Variants in UBE2E2 observed in about 807,000 individuals in gnomAD.
UBE2E2 encodes the protein ubiquitin conjugating enzyme E2 E2.
In UBE2E2, 6 loss-of-function variants were observed where a neutral mutation model predicts 24.7. The observed-to-expected ratio is 0.24, with a 90% CI of 0.13 to 0.48. UBE2E2 has a LOEUF of 0.48. Ranked by LOEUF, UBE2E2 falls within the 20% of genes least tolerant of loss-of-function variation. UBE2E2 has a pLI of 0.99. For missense variants in UBE2E2, 169 were observed against 245.0 expected, an observed-to-expected ratio of 0.69 and a Z score of 2.07; for synonymous variants, 104 against 83.6, an observed-to-expected ratio of 1.24 and a Z score of -1.33.
At chr3:23,348,939 C>T (rs1010332020) in intron 3 of UBE2E2, among the ~76,000 whole-genome samples, 1 of 152,144 alleles carries the variant, frequency 6.6e-6, no homozygotes, top group Non-Finnish European at 1.5e-5. Flanking sequence ...GTTCTGCACA[C>T]TCCAGGGTAA....
At chr3:23,353,664 G>C (rs1216386819) in intron 3 of UBE2E2, among the ~76,000 whole-genome samples, 2 of 151,970 alleles carry the variant, frequency 1.3e-5, no homozygotes, top group East Asian at 1.9e-4. Context: ...AAATACCTAG[G>C]AATCCAACTT....
intron 5 of UBE2E2, among the ~76,000 whole-genome samples, chr3:23,535,555 C>G (rs1695238848): frequency 6.7e-6 from 1 of 149,888 alleles, no homozygotes; most frequent in Non-Finnish European, 1.5e-5. Context: ...CTAGGTAGAT[C>G]TAACTGCTGG....
At position 23,379,494 on chromosome 3, in the gene UBE2E2, G is replaced by A. The variant is rs1176884013; in HGVS notation, c.228-120114G>A. ...CCACCTATGAGTGAGAATATGCGGT[G>A]TTTGGTTTTTTGTTCTTGCGATAGT... On this transcript the variant is annotated intron_variant, in intron 3 of 5. Coordinates refer to ENST00000396703, the MANE Select transcript of UBE2E2 (RefSeq NM_152653.4). Among the ~76,000 whole-genome samples the A allele has an allele frequency of 2.0e-5, 3 of 148,316 alleles. No homozygotes were observed. In the South Asian group the frequency reaches 6.4e-4, roughly 32 times the overall value.
rs542071188 is a variant in UBE2E2, at chr3:23,357,395, A to G, written c.227+140083A>G. 3.2e-4 allele frequency among the ~76,000 whole-genome samples: 48 copies of G among 151,058 alleles called. 1 individual carries two copies. The South Asian group carries it at 5.9e-3, about 18-fold the overall frequency. On this transcript the variant is annotated intron_variant, in intron 3 of 5. Coordinates refer to ENST00000396703, the MANE Select transcript of UBE2E2 (RefSeq NM_152653.4). ...CTTGAGGATGCCAGTGCCTGGAGAT[A>G]TGTGTGTGTGTGTGTGAGTGTGTAT...
At chr3:23,423,000 A>G (rs940549053) in intron 3 of UBE2E2, among the ~76,000 whole-genome samples, 1 of 152,202 alleles carries the variant, frequency 6.6e-6, no homozygotes, top group Non-Finnish European at 1.5e-5. Context: ...ATGTAAAGTC[A>G]GTTTCTTAAA....
chr3:23,354,078 C>T (rs199758028), intron 3 of UBE2E2, among the ~76,000 whole-genome samples: 2,041 of 152,128 alleles, frequency 0.013, 25 homozygotes, highest in Non-Finnish European at 0.02. Flanking sequence ...TCAGAAATAA[C>T]GCCACATATC....
intron 3 of UBE2E2, among the ~76,000 whole-genome samples, chr3:23,434,477 C>A (rs1698139219): frequency 6.6e-6 from 1 of 152,134 alleles, no homozygotes; most frequent in African/African-American, 2.4e-5. Context: ...GAAACAGATA[C>A]TCCCAAAATG....
intron 3 of UBE2E2, among the ~76,000 whole-genome samples, chr3:23,433,864 T>C (rs1244549538): frequency 1.3e-5 from 2 of 152,154 alleles, no homozygotes; most frequent in South Asian, 2.1e-4. Flanking sequence ...AATACGGGAA[T>C]ACATGTAGAC....
chr3:23,585,594 C>G (rs1453091266), intron 5 of UBE2E2, among the ~76,000 whole-genome samples: 1 of 152,142 alleles, frequency 6.6e-6, no homozygotes, highest in Non-Finnish European at 1.5e-5. Context: ...TCTGAACATG[C>G]TCCTCTTTTC....
chr3:23,431,900 A>G (rs73138464), intron 3 of UBE2E2, among the ~76,000 whole-genome samples: 3,881 of 152,308 alleles, frequency 0.025, 70 homozygotes, highest in Middle Eastern at 0.068. Flanking sequence ...ACTGTAGTAC[A>G]AGCTGATAAG....
chr3:23,291,849 A>ATTTTTTTTTTTTTTT lies in UBE2E2; in HGVS notation c.227+74550_227+74564dup, dbSNP rs57708620. The stretch of plus-strand genomic sequence containing the variant: ...AGATGTGTGCCACCATGCCCGGCTA[A>ATTTTTTTTTTTTTTT]TTTTTTTTTTTTTTTTTTTTTTTTT... On this transcript the variant is annotated intron_variant, in intron 3 of 5. Transcript: ENST00000396703. 1.2e-4 allele frequency among the ~76,000 whole-genome samples: 8 copies of ATTTTTTTTTTTTTTT among 64,036 alleles called. 1 individual carries two copies. The highest frequency in any genetic ancestry group is 5.0e-4 in the African/African-American group (7 of 14,034). The allele number at this position is 64,036 out of a possible 152,430, so 42.0% of individuals were successfully genotyped here.
intron 3 of UBE2E2, among the ~76,000 whole-genome samples, chr3:23,393,814 A>G (rs1300289804): frequency 6.6e-6 from 1 of 152,210 alleles, no homozygotes; most frequent in East Asian, 1.9e-4. Context: ...ATGACACATG[A>G]AAATGATATG....
intron 5 of UBE2E2, among the ~76,000 whole-genome samples, chr3:23,553,802 G>A (rs992536418): frequency 6.6e-6 from 1 of 152,074 alleles, no homozygotes; most frequent in African/African-American, 2.4e-5. Context: ...ATTTATGATA[G>A]CATTTAAAAA....
intron 3 of UBE2E2, among the ~76,000 whole-genome samples, chr3:23,498,494 G>A (rs1460510102): frequency 6.6e-6 from 1 of 152,138 alleles, no homozygotes; most frequent in Non-Finnish European, 1.5e-5. Context: ...TTGGAATTAT[G>A]ATGAATCAAT....
At chr3:23,516,340 A>G (rs1181064438) in intron 4 of UBE2E2, among the ~76,000 whole-genome samples, 2 of 152,208 alleles carry the variant, frequency 1.3e-5, no homozygotes, top group African/African-American at 4.8e-5. Context: ...ACTTCAGTGA[A>G]ACTGCATTAT....
chr3:23,308,355 G>A (rs985682514), intron 3 of UBE2E2, among the ~76,000 whole-genome samples: 7 of 152,206 alleles, frequency 4.6e-5, no homozygotes, highest in African/African-American at 1.4e-4. Flanking sequence ...CTCATTGCCT[G>A]TGCTTTATTC....
chr3:23,560,860 T>C (rs1575707521), intron 5 of UBE2E2, among the ~76,000 whole-genome samples: 2 of 152,366 alleles, frequency 1.3e-5, no homozygotes, highest in Admixed American at 1.3e-4. Flanking sequence ...GCTGCATACA[T>C]GTCTTCTTTT....
chr3:23,561,168 T>C (rs7430428), intron 5 of UBE2E2, among the ~76,000 whole-genome samples: 1 of 152,024 alleles, frequency 6.6e-6, no homozygotes, highest in Non-Finnish European at 1.5e-5. Flanking sequence ...CTGAATGGTA[T>C]TGCCTAGGTT....
At chr3:23,588,019 G>A (rs560736168) in intron 5 of UBE2E2, among the ~76,000 whole-genome samples, 2 of 152,352 alleles carry the variant, frequency 1.3e-5, no homozygotes, top group South Asian at 4.1e-4. Context: ...CAAAGGCTTT[G>A]TTATCATGAG....
Sources: allele counts gnomAD v4.1 joint callset (sites outside exome capture counted in the v4.1 genomes callset), GRCh38; gene constraint gnomAD v4.1.1; transcripts MANE v1.5; gene names NCBI Gene and HGNC (gene_info 2026-07-23, HGNC 2026-07-21).